NCK1: variants seen among roughly 807,000 people sequenced by gnomAD.
NCK1 encodes the protein SH2/SH3 adapter protein NCK1.
In NCK1, 19 loss-of-function variants were observed where a neutral mutation model predicts 36.6. The ratio of observed to expected loss-of-function variants is 0.52; its 90% CI spans 0.36 to 0.76. NCK1 has a LOEUF of 0.76. NCK1 is among the 30% of genes least tolerant of loss of function. The pLI is 0.00. For missense variants in NCK1, 358 were observed against 445.6 expected (o/e 0.80, Z 1.77); for synonymous variants, 165 against 156.0 (o/e 1.06, Z -0.43).
At chr3:136,930,717 A>G (rs1940369096) in intron 2 of NCK1, 4 of 755,036 alleles carry the variant, frequency 5.3e-6, no homozygotes, top group Admixed American at 4.3e-5. Flanking sequence ...CATTATGTGT[A>G]TGTAATATAA....
chr3:136,918,468 G>A (rs915279367), intron 1 of NCK1, among the ~76,000 whole-genome samples: 1 of 152,220 alleles, frequency 6.6e-6, no homozygotes, highest in South Asian at 2.1e-4. Flanking sequence ...AGGAGGTTGT[G>A]CATAGGTTAT....
rs35976394 is a variant in NCK1, at chr3:136,886,817, CTT to C, written c.-19+24481_-19+24482del. ...ACTGTCCTGTAGTTACATGATCAGT[CTT>C]TTTTTTTTTTTTTTTTCCTATCTTT... is the stretch of plus-strand genomic sequence containing the variant. On this transcript the variant is annotated intron_variant, in intron 1 of 3. Coordinates refer to ENST00000481752, the MANE Select transcript of NCK1 (RefSeq NM_001291999.2). 9.8e-3 allele frequency among the ~76,000 whole-genome samples: 1,347 copies of C among 136,994 alleles called. 15 individuals carry two copies. The highest frequency in any genetic ancestry group is 0.031 in the African/African-American group (1,160 of 37,060). The allele number at this position is 136,994 out of a possible 152,430, so 89.9% of individuals were successfully genotyped here.
chr3:136,882,804 G>C (rs1052802009), intron 1 of NCK1, among the ~76,000 whole-genome samples: 7 of 152,298 alleles, frequency 4.6e-5, no homozygotes, highest in South Asian at 4.1e-4. Context: ...CTAATTGCAG[G>C]GGTGGCTGGG....
At chr3:136,925,418 T>C (rs887614379) in intron 1 of NCK1, among the ~76,000 whole-genome samples, 1 of 152,194 alleles carries the variant, frequency 6.6e-6, no homozygotes, top group African/African-American at 2.4e-5. Flanking sequence ...AGTGTATGCT[T>C]TCCTCCAGTG....
At position 136,884,689 on chromosome 3, in the gene NCK1, A is replaced by G. The variant is rs188723079; in HGVS notation, c.-19+22336A>G. Reference sequence around the variant, plus strand: ...GTGATCCTTCTGCCTTGGCCTCCCAAAGTGCAGGCTTGAGCCACCATGCCT... The same window carrying G: ...GTGATCCTTCTGCCTTGGCCTCCCAGAGTGCAGGCTTGAGCCACCATGCCT... On this transcript the variant is annotated intron_variant, in intron 1 of 3. Transcript: ENST00000481752. 3.7e-3 allele frequency among the ~76,000 whole-genome samples: 555 copies of G among 148,940 alleles called. 4 individuals carry two copies. The highest frequency in any genetic ancestry group is 5.8e-3 in the Non-Finnish European group (390 of 67,482).
At chr3:136,918,343 A>G (rs1940017697) in intron 1 of NCK1, among the ~76,000 whole-genome samples, 1 of 115,588 alleles carries the variant, frequency 8.7e-6, no homozygotes, top group Admixed American at 7.9e-5. Flanking sequence ...AATATTCTGG[A>G]AAAAAAAATA....
chr3:136,869,516 G>T (rs1368552130), intron 1 of NCK1, among the ~76,000 whole-genome samples: 1 of 152,172 alleles, frequency 6.6e-6, no homozygotes, highest in Non-Finnish European at 1.5e-5. Context: ...CTGCACTTTA[G>T]CCTGGGTGAC....
At chr3:136,941,841 C>T (rs1322591991) in intron 2 of NCK1, among the ~76,000 whole-genome samples, 1 of 152,054 alleles carries the variant, frequency 6.6e-6, no homozygotes, top group Non-Finnish European at 1.5e-5. Flanking sequence ...GGAGGATTCT[C>T]TTTAGCACTT....
chr3:136,933,036 T>C (rs549950708), intron 2 of NCK1, among the ~76,000 whole-genome samples: 2 of 152,298 alleles, frequency 1.3e-5, no homozygotes, highest in South Asian at 2.1e-4. Context: ...GAACAGACAG[T>C]ATTGTAAAAC....
At chr3:136,869,754 CTG>C (rs1333269526) in intron 1 of NCK1, among the ~76,000 whole-genome samples, 2 of 152,016 alleles carry the variant, frequency 1.3e-5, no homozygotes, top group African/African-American at 2.4e-5. Context: ...TAAAATCTCT[CTG>C]TGGAGGGAAA....
intron 1 of NCK1, among the ~76,000 whole-genome samples, chr3:136,904,834 A>ATTT (rs55815126): frequency 5.6e-5 from 8 of 142,766 alleles, no homozygotes; most frequent in Admixed American, 4.1e-4. Context: ...GGCTTTTCTC[A>ATTT]TTTTTTTTTT....
intron 1 of NCK1, among the ~76,000 whole-genome samples, chr3:136,888,701 A>C (rs1363296278): frequency 6.6e-6 from 1 of 151,964 alleles, no homozygotes; most frequent in Non-Finnish European, 1.5e-5. Context: ...TGCCATACTC[A>C]TTAGTTGTCA....
chr3:136,888,765 C>T (rs1939144933), intron 1 of NCK1, among the ~76,000 whole-genome samples: 1 of 152,178 alleles, frequency 6.6e-6, no homozygotes, highest in Non-Finnish European at 1.5e-5. Context: ...CCTTCTGTCT[C>T]TATACATTTG....
chr3:136,902,441 C>T (rs1296490410), intron 1 of NCK1, among the ~76,000 whole-genome samples: 1 of 152,150 alleles, frequency 6.6e-6, no homozygotes, highest in Non-Finnish European at 1.5e-5. Context: ...GCAATCTGCC[C>T]ACCTCGGCCT....
intron 1 of NCK1, among the ~76,000 whole-genome samples, chr3:136,890,831 T>C (rs1939223955): frequency 1.3e-5 from 2 of 152,202 alleles, no homozygotes; most frequent in Admixed American, 1.3e-4. Context: ...CCTGTTTGCA[T>C]AAGTTTTTCA....
intron 3 of NCK1, among the ~76,000 whole-genome samples, chr3:136,947,743 G>T (rs748702315): frequency 6.6e-6 from 1 of 152,028 alleles, no homozygotes; most frequent in Non-Finnish European, 1.5e-5. Context: ...GCTCTTGTAG[G>T]CATTTGAGTT....
In NCK1 at chr3:136,945,486, A is replaced by G. The variant is rs1328257080; in HGVS notation, c.227-97A>G. 4 of 856,316 alleles carry G rather than the reference A, an allele frequency of 4.7e-6. No homozygotes were observed. The East Asian group carries it at 1.1e-4, about 23-fold the overall frequency. 53.0% of individuals were successfully genotyped at this position (856,316 alleles called of 1,614,324 possible). ...ATATTTAAAAGCTTTAAAGATCTAT[A>G]TAGAGTTGAAGATCTCTTTTTAATA... On this transcript the variant is annotated intron_variant, in intron 2 of 3. Coordinates refer to ENST00000481752, the MANE Select transcript of NCK1 (RefSeq NM_001291999.2).
At chr3:136,878,189 A>C (rs1560032617) in intron 1 of NCK1, among the ~76,000 whole-genome samples, 1 of 152,150 alleles carries the variant, frequency 6.6e-6, no homozygotes, top group African/African-American at 2.4e-5. Context: ...CGGGCAGATC[A>C]CTTGAGGTCA....
chr3:136,866,225 T>C (rs1409283972), intron 1 of NCK1, among the ~76,000 whole-genome samples: 2 of 152,186 alleles, frequency 1.3e-5, no homozygotes, highest in Non-Finnish European at 2.9e-5. Context: ...TTATAGGAGC[T>C]GTCCACTCTA....
Sources: gnomAD v4.1 joint callset for allele counts (sites outside exome capture counted in the v4.1 genomes callset) on GRCh38, gnomAD v4.1.1 for gene constraint, MANE v1.5 for transcripts, NCBI Gene and HGNC (gene_info 2026-07-23, HGNC 2026-07-21) for gene names.